Variants in DACH2 observed in about 807,000 individuals in gnomAD.
The protein encoded by DACH2 is dachshund homolog 2.
In DACH2, 17 loss-of-function variants were observed where a neutral mutation model predicts 35.8. The ratio of observed to expected loss-of-function variants is 0.48; its 90% CI spans 0.33 to 0.71. The LOEUF is 0.71. DACH2 is among the 30% of genes least tolerant of loss of function. The pLI is 0.02. For synonymous variants in DACH2, 195 were observed against 177.3 expected (o/e 1.10, Z -0.79); for missense variants, 469 against 472.7 (o/e 0.99, Z 0.07).
At chrX:86,435,243 C>A (rs1431377943) in intron 2 of DACH2, among the ~76,000 whole-genome samples, 2 of 111,642 alleles carry the variant, frequency 1.8e-5, no homozygotes, top group Non-Finnish European at 3.8e-5. Context: ...TTTTATTTAT[C>A]TTGGAAAAAC....
chrX:86,814,959 A>G (rs1411638532), intron 10 of DACH2, 125 bp downstream of exon 10: 1 of 760,265 alleles, frequency 1.3e-6, no homozygotes, highest in African/African-American at 2.1e-5. Flanking sequence ...AAACACAGAC[A>G]TATTTTGTCC....
At chrX:86,388,257 C>G (rs2036150401) in intron 2 of DACH2, among the ~76,000 whole-genome samples, 1 of 111,843 alleles carries the variant, frequency 8.9e-6, no homozygotes, top group South Asian at 3.7e-4. Flanking sequence ...AGGAGATCCA[C>G]TAAAGGATTT....
At chrX:86,521,353 T>C (rs2038551661) in intron 3 of DACH2, among the ~76,000 whole-genome samples, 1 of 111,756 alleles carries the variant, frequency 8.9e-6, no homozygotes, top group Non-Finnish European at 1.9e-5. Flanking sequence ...CATTTTGACC[T>C]TGGAAAATCT....
intron 2 of DACH2, among the ~76,000 whole-genome samples, chrX:86,480,519 A>G (rs763715105): frequency 8.9e-6 from 1 of 111,913 alleles, no homozygotes; most frequent in African/African-American, 3.2e-5. Context: ...ACAATCAGTA[A>G]GTGGTGAAGC....
intron 1 of DACH2, among the ~76,000 whole-genome samples, chrX:86,366,702 G>A (rs1362576633): frequency 9.0e-6 from 1 of 110,806 alleles, no homozygotes; most frequent in Non-Finnish European, 1.9e-5. Context: ...TTTGGGCTGT[G>A]GGGGTAGATC....
At chrX:86,166,706 T>A (rs2030955388) in intron 1 of DACH2, among the ~76,000 whole-genome samples, 1 of 111,544 alleles carries the variant, frequency 9.0e-6, no homozygotes, top group Non-Finnish European at 1.9e-5. Context: ...GGGTCTGTCA[T>A]ATATGGCTTT....
chrX:86,636,815 CAA>C (rs2040271745), intron 3 of DACH2, among the ~76,000 whole-genome samples: 1 of 110,165 alleles, frequency 9.1e-6, no homozygotes, highest in Non-Finnish European at 1.9e-5. Context: ...GATTTCATGA[CAA>C]AGACACCAAA....
intron 1 of DACH2, among the ~76,000 whole-genome samples, chrX:86,154,201 G>C (rs2030464107): frequency 9.0e-6 from 1 of 111,085 alleles, no homozygotes; most frequent in Non-Finnish European, 1.9e-5. Context: ...TATTTCAGTT[G>C]GGAATCTAGC....
intron 4 of DACH2, among the ~76,000 whole-genome samples, chrX:86,689,791 C>T (rs1405337050): frequency 9.0e-6 from 1 of 111,665 alleles, no homozygotes; most frequent in Middle Eastern, 4.3e-3. Flanking sequence ...CAGTTAAGGC[C>T]ATAGTTTTGA....
chrX:86,788,175 G>A (rs1375579357), intron 7 of DACH2, among the ~76,000 whole-genome samples: 1 of 110,833 alleles, frequency 9.0e-6, no homozygotes, highest in Non-Finnish European at 1.9e-5. Context: ...TATTCCTATA[G>A]GAAGATCATA....
At chrX:86,742,659 T>C in intron 7 of DACH2, 1 of 304,355 alleles carries the variant, frequency 3.3e-6, no homozygotes, top group Non-Finnish European at 6.4e-6. Context: ...TGCCCAACAA[T>C]AGAGAGGAAC....
At chrX:86,382,000 A>G (rs774717470) in intron 2 of DACH2, among the ~76,000 whole-genome samples, 1 of 111,198 alleles carries the variant, frequency 9.0e-6, no homozygotes, top group East Asian at 2.8e-4. Flanking sequence ...TTTTATGCAC[A>G]TTTCTGATTC....
At chrX:86,170,630 C>A (rs1381133544) in intron 1 of DACH2, among the ~76,000 whole-genome samples, 1 of 112,484 alleles carries the variant, frequency 8.9e-6, no homozygotes, top group Admixed American at 9.4e-5. Context: ...TGCTGCCACC[C>A]TAGGCCACAA....
chrX:86,575,284 G>T (rs866474708), intron 3 of DACH2, among the ~76,000 whole-genome samples: 1 of 110,931 alleles, frequency 9.0e-6, no homozygotes, highest in South Asian at 3.7e-4. Context: ...AATCGATCTG[G>T]CTTTCCCGTG....
chrX:86,486,930 A>G (rs761073945), intron 2 of DACH2, among the ~76,000 whole-genome samples: 2 of 111,945 alleles, frequency 1.8e-5, no homozygotes, highest in Non-Finnish European at 3.8e-5. Flanking sequence ...CAGTAACAGG[A>G]CTTATAATAA....
At chrX:86,513,554 T>C (rs1036205044) in intron 2 of DACH2, among the ~76,000 whole-genome samples, 1 of 112,132 alleles carries the variant, frequency 8.9e-6, no homozygotes, top group African/African-American at 3.2e-5. Context: ...GAACTGCTAA[T>C]GGGTGAAGAA....
intron 7 of DACH2, among the ~76,000 whole-genome samples, chrX:86,758,411 G>T (rs762700040): frequency 9.0e-6 from 1 of 111,245 alleles, no homozygotes; most frequent in East Asian, 2.8e-4. Flanking sequence ...CACAGGTTTT[G>T]GTATGTTGTG....
intron 2 of DACH2, among the ~76,000 whole-genome samples, chrX:86,468,870 T>C (rs2037717470): frequency 9.0e-6 from 1 of 111,640 alleles, no homozygotes; most frequent in Non-Finnish European, 1.9e-5. Context: ...CTCCAAAGAA[T>C]ATGAATCAAT....
intron 1 of DACH2, among the ~76,000 whole-genome samples, chrX:86,293,245 C>G (rs1414857860): frequency 1.7e-5 from 1 of 58,586 alleles, no homozygotes; most frequent in South Asian, 1.2e-3. Context: ...ACTAGGATTG[C>G]AACCCTGCCT....
Sources: allele counts gnomAD v4.1 joint callset (sites outside exome capture counted in the v4.1 genomes callset), GRCh38; gene constraint gnomAD v4.1.1; transcripts MANE v1.5; gene names NCBI Gene and HGNC (gene_info 2026-07-23, HGNC 2026-07-21).